RASSF8: variants seen among roughly 807,000 people sequenced by gnomAD.
RASSF8 encodes the protein ras association domain-containing protein 8.
RASSF8 carries 22 observed loss-of-function variants against 48.5 expected under a neutral mutation model. The ratio of observed to expected loss-of-function variants is 0.45; its 90% CI spans 0.32 to 0.65. The LOEUF (loss-of-function observed/expected upper bound fraction) is 0.65. RASSF8 is among the 30% of genes least tolerant of loss of function. The pLI, the probability that RASSF8 is intolerant of heterozygous loss-of-function variation, is 0.03. For missense variants in RASSF8, 418 were observed against 489.2 expected, an observed-to-expected ratio of 0.85 and a Z score of 1.37; for synonymous variants, 127 against 171.5, an observed-to-expected ratio of 0.74 and a Z score of 2.03.
At chr12:26,000,511 A>G (rs1942229735) in intron 2 of RASSF8, among the ~76,000 whole-genome samples, 1 of 152,222 alleles carries the variant, frequency 6.6e-6, no homozygotes, top group African/African-American at 2.4e-5. Context: ...TTATTAATAT[A>G]TAATTACATT....
At chr12:26,077,671 T>C (rs1490456263), downstream of RASSF8, among the ~76,000 whole-genome samples, 3 of 152,220 alleles carry the variant, frequency 2.0e-5, no homozygotes, top group Non-Finnish European at 4.4e-5. Context: ...TGTAGACTTG[T>C]AGTATAGTTT....
chr12:25,960,033 A>T (rs1330875999), intron 1 of RASSF8, among the ~76,000 whole-genome samples: 1 of 151,480 alleles, frequency 6.6e-6, no homozygotes, highest in Non-Finnish European at 1.5e-5. Flanking sequence ...TCAGGTTAGC[A>T]TTAAAGCATT....
chr12:26,067,752 C>T (rs1460052923), intron 5 of RASSF8, 39 bp downstream of exon 5: 8 of 1,609,892 alleles, frequency 5.0e-6, no homozygotes, highest in Non-Finnish European at 5.9e-6. Context: ...TCCCTTTATT[C>T]TCACTGCTTA....
chr12:26,005,951 A>T (rs1205420059), intron 2 of RASSF8, among the ~76,000 whole-genome samples: 4 of 152,180 alleles, frequency 2.6e-5, no homozygotes, highest in Non-Finnish European at 5.9e-5. Context: ...TGTCTTTGTC[A>T]TCTACTTCAA....
intron 1 of RASSF8, among the ~76,000 whole-genome samples, chr12:25,974,255 A>G (rs1210550844): frequency 2.0e-5 from 3 of 152,154 alleles, no homozygotes; most frequent in Non-Finnish European, 4.4e-5. Flanking sequence ...GGAGGAGGTG[A>G]AAGAAAGAAG....
intron 1 of RASSF8, among the ~76,000 whole-genome samples, chr12:25,991,198 A>G (rs1321450713): frequency 6.6e-6 from 1 of 152,200 alleles, no homozygotes; most frequent in Non-Finnish European, 1.5e-5. Context: ...GTTGTTTAAA[A>G]AAAAAAGGTA....
chr12:26,025,786 TTATA>T (rs1565625151), intron 2 of RASSF8, among the ~76,000 whole-genome samples: 1 of 152,050 alleles, frequency 6.6e-6, no homozygotes, highest in Non-Finnish European at 1.5e-5. Context: ...ATATTTCTAT[TTATA>T]ATATCAAAAA....
Position 26,072,269 on chromosome 12 carries a change from T to C in RASSF8, c.*3451T>C. On this transcript the variant is annotated 3_prime_UTR_variant, in exon 6 of 6. Transcript: ENST00000689635. ...TTTTTAAGTTGCATGTTTATACTAT[T>C]TGCTACAGTATTTTTAAGTTTGGGG... 1.0e-6 allele frequency: 1 copy of C among 978,608 alleles called. No homozygotes were observed. Among genetic ancestry groups the C allele is most frequent in the Non-Finnish European group, 1.2e-6 (1 of 823,714 alleles). The allele number at this position is 978,608 out of a possible 1,614,324, so 60.6% of individuals were successfully genotyped here. A position where few individuals can be genotyped will look rare whatever the true frequency, so the allele number is the denominator to read the frequency against.
At chr12:25,986,569 G>A (rs1941880697) in intron 1 of RASSF8, among the ~76,000 whole-genome samples, 1 of 152,278 alleles carries the variant, frequency 6.6e-6, no homozygotes, top group South Asian at 2.1e-4. Flanking sequence ...TGTGCAGGCT[G>A]CTCCCAGCTT....
At chr12:26,045,355 A>AT (rs1349136084) in intron 2 of RASSF8, among the ~76,000 whole-genome samples, 1 of 152,194 alleles carries the variant, frequency 6.6e-6, no homozygotes, top group Non-Finnish European at 1.5e-5. Context: ...TGCTCATTAA[A>AT]TTTTAACATT....
chr12:25,969,741 C>T (rs1361016083), intron 1 of RASSF8, among the ~76,000 whole-genome samples: 1 of 152,032 alleles, frequency 6.6e-6, no homozygotes, highest in Non-Finnish European at 1.5e-5. Context: ...AGGGGTTCTC[C>T]AGTGGGGTGG....
At chr12:26,025,782 CTATTTA>C (rs573340715) in intron 2 of RASSF8, among the ~76,000 whole-genome samples, 22 of 151,942 alleles carry the variant, frequency 1.4e-4, no homozygotes, top group African/African-American at 4.8e-4. Flanking sequence ...GAAAATATTT[CTATTTA>C]TAATATCAAA....
chr12:26,004,564 G>T (rs114351183), intron 2 of RASSF8, among the ~76,000 whole-genome samples: 4 of 152,054 alleles, frequency 2.6e-5, no homozygotes, highest in Non-Finnish European at 4.4e-5. Context: ...CACATATTTT[G>T]TATGTTATAT....
rs1003061647 is a variant in RASSF8 at position 26,070,999 on chromosome 12, C to A, written c.*2181C>A. 2.0e-6 allele frequency: 2 copies of A among 985,028 alleles called. No individual in the cohort carries two copies. The highest frequency in any genetic ancestry group is 3.5e-5 in the African/African-American group (2 of 57,234). 61.0% of individuals were successfully genotyped at this position (985,028 alleles called of 1,614,324 possible). Reference sequence around the variant, plus strand: ...AGAGTATCACAGTTAACCTCTCTGACAACTTCATCAGAATTTCCAAGCTGC... The same window carrying A: ...AGAGTATCACAGTTAACCTCTCTGAAAACTTCATCAGAATTTCCAAGCTGC... On this transcript the variant is annotated 3_prime_UTR_variant, in exon 6 of 6. Coordinates refer to ENST00000689635, the MANE Select transcript of RASSF8 (RefSeq NM_001394098.1).
downstream of RASSF8, among the ~76,000 whole-genome samples, chr12:26,077,623 T>A (rs546242471): frequency 4.6e-5 from 7 of 152,266 alleles, no homozygotes; most frequent in African/African-American, 1.7e-4. Context: ...TTGGTCTATA[T>A]CTCTGATTTG....
intron 1 of RASSF8, among the ~76,000 whole-genome samples, chr12:25,965,790 CT>C (rs527703824): frequency 2.6e-5 from 4 of 152,140 alleles, no homozygotes; most frequent in East Asian, 1.9e-4. Flanking sequence ...CAGTAATATA[CT>C]TTTTTTTGTT....
At chr12:26,028,586 T>A (rs1427530556) in intron 2 of RASSF8, among the ~76,000 whole-genome samples, 14 of 152,212 alleles carry the variant, frequency 9.2e-5, no homozygotes, top group Non-Finnish European at 1.6e-4. Context: ...GAATTTTACT[T>A]CTTGCAGCTA....
rs117782378 is a variant in RASSF8, at chr12:26,047,135, A to C, written c.-108-8101A>C. ...TGGAGGGTTGCAAAGTAGTCTGGGA[A>C]CCTAACAGAAAGTATAATTGCAAAA... is the stretch of plus-strand genomic sequence containing the variant. On this transcript the variant is annotated intron_variant, in intron 2 of 5. Coordinates refer to ENST00000689635, the MANE Select transcript of RASSF8 (RefSeq NM_001394098.1). Among the ~76,000 whole-genome samples, 101 of 152,304 alleles carry C rather than the reference A, an allele frequency of 6.6e-4. 2 individuals are homozygous for C. The East Asian group carries it at 0.019, about 28-fold the overall frequency.
At chr12:25,973,216 T>C (rs1941524288) in intron 1 of RASSF8, among the ~76,000 whole-genome samples, 1 of 152,110 alleles carries the variant, frequency 6.6e-6, no homozygotes, top group Non-Finnish European at 1.5e-5. Context: ...TTTTTTTTTT[T>C]TTAGAAGCAA....
Sources: gnomAD v4.1 joint callset for allele counts (sites outside exome capture counted in the v4.1 genomes callset) on GRCh38, gnomAD v4.1.1 for gene constraint, MANE v1.5 for transcripts, NCBI Gene and HGNC (gene_info 2026-07-23, HGNC 2026-07-21) for gene names.